The following ATIC variants were observed in gnomAD, a reference collection of about 807,000 sequenced individuals.
The protein encoded by ATIC is 5-aminoimidazole-4-carboxamide ribonucleotide formyltransferase/IMP cyclohydrolase.
In ATIC, 64 loss-of-function variants were observed where a neutral mutation model predicts 72.5. The ratio of observed to expected loss-of-function variants is 0.88; its 90% confidence interval spans 0.72 to 1.09. ATIC has a LOEUF of 1.09. Among genes scored for constraint, ATIC ranks in the 50% least tolerant of loss-of-function variants. The pLI is 0.00. For synonymous variants in ATIC, 281 were observed against 267.1 expected (o/e 1.05, Z -0.51); for missense variants, 787 against 732.4 (o/e 1.07, Z -0.86).
intron 7 of ATIC, among the ~76,000 whole-genome samples, chr2:215,331,911 T>C (rs1559273453): frequency 1.3e-5 from 2 of 152,204 alleles, no homozygotes; most frequent in Non-Finnish European, 2.9e-5. Context: ...CTTCTCTTCT[T>C]CCACCCACAG....
chr2:215,347,708 A>T (rs1009685039), intron 14 of ATIC: 1 of 478,222 alleles, frequency 2.1e-6, no homozygotes, highest in Non-Finnish European at 4.2e-6. Flanking sequence ...TTCAACTTTG[A>T]TACTTGGATT....
chr2:215,326,999 G>A, intron 7 of ATIC, 21 bp downstream of exon 7: 1 of 1,614,122 alleles, frequency 6.2e-7, no homozygotes, highest in Non-Finnish European at 8.5e-7. Context: ...AGCGTTCTGT[G>A]GCATGGTTTG....
rs1038021651 is a variant in ATIC at position 215,333,428 on chromosome 2, C to G, written c.893C>G (p.Pro298Arg). 2 of 1,613,926 alleles carry G rather than the reference C, an allele frequency of 1.2e-6. No homozygotes were observed. Among genetic ancestry groups the G allele is most frequent in the African/African-American group, 2.7e-5 (2 of 74,894 alleles). The change falls in exon 9 of 16, where the codon CCC (proline) becomes CGC (arginine). Residue 298 changes from proline (P) to arginine (R), a missense_variant. By Grantham distance (103) the Pro-to-Arg change is moderately radical. Coordinates refer to ENST00000236959, the MANE Select transcript of ATIC (RefSeq NM_004044.7). ...TATGATCTCTATAAAACCCTCACAC[C>G]CATCTCAGCGGCATATGCAAGAGCA... The part of the protein sequence containing the change: ...MVYDLYKTLT[P>R]ISAAYARARG...
rs780743619 is a variant in ATIC at position 215,336,027 on chromosome 2, T to A, written c.1009-8T>A. 2 of 1,593,412 alleles carry A rather than the reference T, an allele frequency of 1.3e-6. No individual in the cohort carries two copies. The highest frequency in any genetic ancestry group is 2.3e-5 in the South Asian group (2 of 88,450). ...AAAAATAGAAATTAAAATTTAATAT[T>A]TTTGCAGGTATCTGATGGTATAATT... is the stretch of plus-strand genomic sequence containing the variant. On this transcript the variant is annotated splice_polypyrimidine_tract_variant and splice_region_variant and intron_variant, in intron 10 of 15. Coordinates refer to ENST00000236959, the MANE Select transcript of ATIC (RefSeq NM_004044.7).
At chr2:215,365,464 A>G in the ATIC span, 1 of 1,601,674 alleles carries the variant, frequency 6.2e-7, no homozygotes, top group Non-Finnish European at 8.6e-7. Context: ...TGAAAGTGAG[A>G]ATGCTTAATA....
intron 11 of ATIC, among the ~76,000 whole-genome samples, chr2:215,338,152 G>A (rs1285635175): frequency 6.6e-6 from 1 of 152,164 alleles, no homozygotes; most frequent in Non-Finnish European, 1.5e-5. Flanking sequence ...AAAATATCCA[G>A]GGAGAGAGTA....
At chr2:215,312,368 A>G (rs1406437235) in intron 1 of ATIC, 130 bp from the exon 2 acceptor site, 146 of 1,543,916 alleles carry the variant, frequency 9.5e-5, no homozygotes, top group Non-Finnish European at 1.3e-4. Flanking sequence ...GGCCCGGACC[A>G]GGCCTGCGAA....
intron 4 of ATIC, among the ~76,000 whole-genome samples, chr2:215,320,950 G>C (rs1192269220): frequency 1.3e-5 from 2 of 152,108 alleles, no homozygotes; most frequent in African/African-American, 4.8e-5. Flanking sequence ...AGGGCACCAA[G>C]CCATTCATAA....
At chr2:215,318,651 T>A (rs758580339) in intron 3 of ATIC, among the ~76,000 whole-genome samples, 1 of 152,190 alleles carries the variant, frequency 6.6e-6, no homozygotes, top group Non-Finnish European at 1.5e-5. Context: ...ATGAATTGTA[T>A]ATAAACCGAA....
At chr2:215,338,723 G>A (rs1025448867) in intron 11 of ATIC, 56 bp from the exon 12 acceptor site, 183 of 1,565,326 alleles carry the variant, frequency 1.2e-4, no homozygotes, top group Non-Finnish European at 1.4e-4. Context: ...TAAATTAAAT[G>A]AAAAATTTGA....
At position 215,349,704 on chromosome 2, in the gene ATIC, A is replaced by G; in HGVS notation, c.*49A>G. Reference sequence around the variant, plus strand: ...CTTGCTTATGTGTAGGTGAACAGTCACGCCTGAAACTTTGAGGATAACTTT... The same window carrying G: ...CTTGCTTATGTGTAGGTGAACAGTCGCGCCTGAAACTTTGAGGATAACTTT... On this transcript the variant is annotated 3_prime_UTR_variant, in exon 16 of 16. Coordinates refer to ENST00000236959, the MANE Select transcript of ATIC (RefSeq NM_004044.7). The G allele has an allele frequency of 6.2e-7, 1 of 1,613,922 alleles. No individual in the cohort carries two copies. The highest frequency in any genetic ancestry group is 8.5e-7 in the Non-Finnish European group (1 of 1,179,824).
chr2:215,365,783 TTTTA>T, the ATIC span: 9 of 432,688 alleles, frequency 2.1e-5, no homozygotes, highest in South Asian at 5.3e-5. Flanking sequence ...GGGCCATTTA[TTTTA>T]TTTATTTATT....
the ATIC span, chr2:215,364,463 A>T: frequency 3.5e-6 from 1 of 284,642 alleles, no homozygotes; most frequent in Non-Finnish European, 6.8e-6. Flanking sequence ...GATGGGGAGA[A>T]CCGGCTGAAA....
chr2:215,358,121 G>A, the ATIC span, among the ~76,000 whole-genome samples: 1 of 152,114 alleles, frequency 6.6e-6, no homozygotes, highest in African/African-American at 2.4e-5. Flanking sequence ...CACCTCCATA[G>A]AAAGGGTGCC....
the ATIC span, chr2:215,363,612 T>C: frequency 2.6e-5 from 4 of 152,358 alleles, no homozygotes; most frequent in East Asian, 5.8e-4. Flanking sequence ...TCTTTGCATC[T>C]TGGATACCTG....
intron 13 of ATIC, 83 bp from the exon 14 acceptor site, chr2:215,346,676 T>C (rs2053073627): frequency 1.4e-6 from 2 of 1,476,074 alleles, no homozygotes; most frequent in Non-Finnish European, 1.9e-6. Flanking sequence ...AATAAATAGG[T>C]TTTGGAGAAT....
the ATIC span, among the ~76,000 whole-genome samples, chr2:215,358,906 G>GAA: frequency 6.6e-6 from 1 of 152,106 alleles, no homozygotes; most frequent in Admixed American, 6.5e-5. Context: ...TTTTTGAGAC[G>GAA]AAGTCTCACT....
At chr2:215,325,040 T>C (rs762083578) in intron 4 of ATIC, 237 of 533,102 alleles carry the variant, frequency 4.4e-4, no homozygotes, top group South Asian at 5.6e-4. Flanking sequence ...GCTGACTAAA[T>C]TACCTCTGCT....
intron 11 of ATIC, among the ~76,000 whole-genome samples, chr2:215,338,072 A>C (rs2052976208): frequency 6.6e-6 from 1 of 152,236 alleles, no homozygotes; most frequent in African/African-American, 2.4e-5. Flanking sequence ...CTTGCTTATA[A>C]ATTATATGTC....
Sources: allele counts gnomAD v4.1 joint callset (sites outside exome capture counted in the v4.1 genomes callset), GRCh38; gene constraint gnomAD v4.1.1; transcripts MANE v1.5; gene names NCBI Gene and HGNC (gene_info 2026-07-23, HGNC 2026-07-21).